Variants in ADIPOR2 observed in about 807,000 individuals in gnomAD.
ADIPOR2 encodes adiponectin receptor 2, also known as adiponectin receptor protein 2.
Under a neutral mutation model 40.9 loss-of-function variants are expected in ADIPOR2, and 18 were observed. The ratio of observed to expected loss-of-function variants is 0.44; its 90% CI spans 0.30 to 0.65. ADIPOR2 has a LOEUF of 0.65. Ranked by LOEUF, ADIPOR2 falls within the 30% of genes least tolerant of loss-of-function variation. ADIPOR2 has a pLI of 0.09. For synonymous variants in ADIPOR2, 165 were observed against 166.4 expected (o/e 0.99, Z 0.06); for missense variants, 283 against 479.2 (o/e 0.59, Z 3.82).
At chr12:1,693,214 T>C (rs1412807417) in intron 1 of ADIPOR2, among the ~76,000 whole-genome samples, 1 of 150,956 alleles carries the variant, frequency 6.6e-6, no homozygotes, top group Admixed American at 6.6e-5. Context: ...GTCGTTTAGG[T>C]ATTGTCTGTA....
intron 1 of ADIPOR2, among the ~76,000 whole-genome samples, chr12:1,748,659 A>G (rs552877875): frequency 1.3e-4 from 19 of 151,888 alleles, no homozygotes; most frequent in Non-Finnish European, 2.4e-4. Context: ...TGGATGTTCA[A>G]TTATTTCAGC....
chr12:1,774,796 C>G (rs1427377037), intron 3 of ADIPOR2, among the ~76,000 whole-genome samples: 1 of 152,224 alleles, frequency 6.6e-6, no homozygotes, highest in East Asian at 1.9e-4. Context: ...CCTCCAACTC[C>G]CGGGTTCAAG....
intron 1 of ADIPOR2, among the ~76,000 whole-genome samples, chr12:1,709,987 G>T (rs1460173264): frequency 6.6e-6 from 1 of 152,168 alleles, no homozygotes; most frequent in Non-Finnish European, 1.5e-5. Context: ...CTGCCTAGAA[G>T]ATTGTGTTCT....
chr12:1,771,573 G>C (rs2154444145), intron 2 of ADIPOR2, among the ~76,000 whole-genome samples: 1 of 152,246 alleles, frequency 6.6e-6, no homozygotes, highest in South Asian at 2.1e-4. Flanking sequence ...TGGTTTTCTT[G>C]GAGATTATGT....
chr12:1,782,976 C>CTTTTTTTTTTTTTTTTTTTTTTTTTTT (rs71055199), intron 6 of ADIPOR2, among the ~76,000 whole-genome samples: 7 of 109,754 alleles, frequency 6.4e-5, no homozygotes, highest in Non-Finnish European at 7.3e-5. Flanking sequence ...TTCTTTCTTT[C>CTTTTTTTTTTTTTTTTTTTTTTTTTTT]TTTTTTTTTT....
At chr12:1,728,354 C>A (rs1290050020) in intron 1 of ADIPOR2, among the ~76,000 whole-genome samples, 1 of 151,836 alleles carries the variant, frequency 6.6e-6, no homozygotes, top group African/African-American at 2.4e-5. Context: ...CTCAAATCCG[C>A]CCACCTCAGC....
intron 1 of ADIPOR2, among the ~76,000 whole-genome samples, chr12:1,748,441 G>A (rs999836584): frequency 1.1e-4 from 16 of 151,864 alleles, no homozygotes; most frequent in Non-Finnish European, 1.8e-4. Context: ...TTAGAGATGG[G>A]GTTTCACCGT....
intron 2 of ADIPOR2, among the ~76,000 whole-genome samples, chr12:1,772,335 T>G (rs1344865803): frequency 4.6e-5 from 7 of 152,216 alleles, no homozygotes; most frequent in African/African-American, 1.2e-4. Flanking sequence ...ATAAGGTGGT[T>G]GTTAGGATTA....
intron 1 of ADIPOR2, among the ~76,000 whole-genome samples, chr12:1,698,435 C>T (rs7136882): frequency 0.013 from 1,915 of 152,090 alleles, 40 homozygotes; most frequent in African/African-American, 0.044. Flanking sequence ...TTGCCCAGGC[C>T]GGCCTTGAAC....
At chr12:1,752,230 C>CTTTTTTT (rs67598229) in intron 1 of ADIPOR2, among the ~76,000 whole-genome samples, 34,871 of 74,190 alleles carry the variant, frequency 0.47, 11,525 homozygotes, top group East Asian at 0.81. Context: ...CTCCTGGCCT[C>CTTTTTTT]TTTTTTTTTT....
intron 1 of ADIPOR2, among the ~76,000 whole-genome samples, chr12:1,747,610 C>A (rs1395449172): frequency 6.6e-6 from 1 of 152,100 alleles, no homozygotes; most frequent in Non-Finnish European, 1.5e-5. Flanking sequence ...CTTCCAGGAA[C>A]AAAATCTGTT....
In ADIPOR2 at chr12:1,691,196, G is replaced by C. The variant is rs1276185709; in HGVS notation, c.-87+5G>C. 6.5e-6 allele frequency: 1 copy of C among 154,618 alleles called. No individual in the cohort carries two copies. The highest frequency in any genetic ancestry group is 2.4e-5 in the African/African-American group (1 of 41,468). The allele number at this position is 154,618 out of a possible 1,614,324, so 9.6% of individuals were successfully genotyped here. ...CCAAGAAGTCCGAGACACGCGGTGA[G>C]GCGGCGACGGGCTCCGGGTGAGGGT... On this transcript the variant is annotated splice_donor_5th_base_variant and intron_variant, in intron 1 of 7. Coordinates refer to ENST00000357103, the MANE Select transcript of ADIPOR2 (RefSeq NM_024551.3).
chr12:1,771,954 A>C (rs141915170), intron 2 of ADIPOR2, among the ~76,000 whole-genome samples: 1 of 152,216 alleles, frequency 6.6e-6, no homozygotes, highest in Non-Finnish European at 1.5e-5. Context: ...AAACTCCTCC[A>C]TTGATACATA....
intron 1 of ADIPOR2, among the ~76,000 whole-genome samples, chr12:1,740,093 G>T (rs377459637): frequency 2.0e-5 from 3 of 151,510 alleles, no homozygotes; most frequent in African/African-American, 7.3e-5. Flanking sequence ...CAAGAGCGAG[G>T]CTCCATCTCA....
At chr12:1,759,536 C>T (rs2154443726) in intron 2 of ADIPOR2, among the ~76,000 whole-genome samples, 1 of 152,240 alleles carries the variant, frequency 6.6e-6, no homozygotes, top group African/African-American at 2.4e-5. Context: ...ACTGTGGTAT[C>T]TTTTTGTACA....
At chr12:1,758,698 G>T (rs2154443698) in intron 2 of ADIPOR2, among the ~76,000 whole-genome samples, 1 of 151,748 alleles carries the variant, frequency 6.6e-6, no homozygotes, top group South Asian at 2.1e-4. Flanking sequence ...CACATGATTT[G>T]AGGAGTTCCA....
At chr12:1,717,532 C>T (rs142246789) in intron 1 of ADIPOR2, among the ~76,000 whole-genome samples, 1 of 152,160 alleles carries the variant, frequency 6.6e-6, no homozygotes, top group Non-Finnish European at 1.5e-5. Context: ...ATGGAGAAAC[C>T]CTGTCTCTGC....
Position 1,754,584 on chromosome 12 carries a change from GA to G in ADIPOR2, c.171+78del, listed in dbSNP as rs138027743. 2.3e-3 allele frequency: 3,307 copies of G among 1,436,092 alleles called. 85 individuals are homozygous for G. In the African/African-American group the frequency reaches 0.043, roughly 19 times the overall value. The allele number at this position is 1,436,092 out of a possible 1,614,324, so 89.0% of individuals were successfully genotyped here. A position where few individuals can be genotyped will look rare whatever the true frequency, so the allele number is the denominator to read the frequency against. The stretch of plus-strand genomic sequence containing the variant: ...GGAAGTGGCAGAGGGAGGATATGGG[GA>G]AAAAAAAGTGGGGGTCCATTGCTGG... On this transcript the variant is annotated intron_variant, in intron 2 of 7. Coordinates refer to ENST00000357103, the MANE Select transcript of ADIPOR2 (RefSeq NM_024551.3).
At position 1,783,952 on chromosome 12, in the gene ADIPOR2, A is replaced by G; in HGVS notation, c.911A>G (p.Lys304Arg). The change falls in exon 7 of 8, where the codon AAG (lysine) becomes AGG (arginine). Residue 304 changes from lysine (K) to arginine (R), a missense_variant. Around this residue, in one of 3 missense-constraint regions of ADIPOR2, gnomAD observed 106 missense variants for 149.7 expected, o/e 0.71. Transcript: ENST00000357103. ...LHYVISEGFL[K>R]AATIGQIGWL... Reference sequence around the variant, plus strand: ...TATGTCATCTCGGAGGGGTTCCTTAAGGCCGCCACCATAGGGCAGATAGGC... The same window carrying G: ...TATGTCATCTCGGAGGGGTTCCTTAGGGCCGCCACCATAGGGCAGATAGGC... 1 of 1,613,582 alleles carries G rather than the reference A, an allele frequency of 6.2e-7. No individual in the cohort carries two copies. Among genetic ancestry groups the G allele is most frequent in the Non-Finnish European group, 8.5e-7 (1 of 1,179,762 alleles).
Sources: allele counts gnomAD v4.1 joint callset (sites outside exome capture counted in the v4.1 genomes callset), GRCh38; gene constraint gnomAD v4.1.1; regional missense constraint gnomAD v4.1.1; transcripts MANE v1.5; gene names NCBI Gene and HGNC (gene_info 2026-07-23, HGNC 2026-07-21).